The following CARD10 variants were observed in gnomAD, a reference collection of about 807,000 sequenced individuals.
CARD10 encodes the protein caspase recruitment domain-containing protein 10.
In CARD10, 49 loss-of-function variants were observed where a neutral mutation model predicts 114.6. The observed-to-expected ratio is 0.43, with a 90% CI of 0.34 to 0.54. The LOEUF (loss-of-function observed/expected upper bound fraction) is 0.54. Among genes scored for constraint, CARD10 ranks in the 20% least tolerant of loss-of-function variants. The probability of loss-of-function intolerance (pLI) is 0.03; values close to 1 mark genes in which losing one functional copy is unlikely to be tolerated. For synonymous variants in CARD10, 602 were observed against 593.2 expected, an observed-to-expected ratio of 1.01 and a Z score of -0.21; for missense variants, 1,206 against 1,397.2, an observed-to-expected ratio of 0.86 and a Z score of 2.18.
At chr22:37,518,929 G>C in intron 1 of CARD10, 37 bp downstream of exon 1, 1 of 1,490,218 alleles carries the variant, frequency 6.7e-7, no homozygotes, top group Non-Finnish European at 8.9e-7. Context: ...GGGCACGGCC[G>C]GCCCAGGTCG....
At chr22:37,504,502 T>C in intron 8 of CARD10, 133 bp downstream of exon 8, 1 of 1,380,452 alleles carries the variant, frequency 7.2e-7, no homozygotes, top group Non-Finnish European at 9.6e-7. Flanking sequence ...TGGGTGAGCT[T>C]CAGTAAAGTA....
At chr22:37,513,554 A>G (rs1466404103) in intron 3 of CARD10, among the ~76,000 whole-genome samples, 1 of 152,060 alleles carries the variant, frequency 6.6e-6, no homozygotes, top group Non-Finnish European at 1.5e-5. Flanking sequence ...CCACACACGC[A>G]GGACATCTCC....
Position 37,516,004 on chromosome 22 carries a change from G to T in CARD10, c.668C>A (p.Ala223Asp). 6.3e-7 allele frequency: 1 copy of T among 1,597,072 alleles called. No homozygotes were observed. Residue 223 changes from alanine (A) to aspartate (D), a missense_variant, in exon 3 of 20, where the codon GCT (alanine) becomes GAT (aspartate). Physicochemically the swap from Ala to Asp is moderately radical, Grantham distance 126. Transcript: ENST00000251973. ...CTGCAGGTCACGGCTGCGAAGTACA[G>T]CCGAGTTCTTCTCCTCACTGAGCTG... Reference protein sequence around the residue: ...LAQLSEEKNSAVLRSRDLQLA... With the variant: ...LAQLSEEKNSDVLRSRDLQLA...
chr22:37,505,135 G>A (rs1923360497), intron 7 of CARD10, among the ~76,000 whole-genome samples: 1 of 152,144 alleles, frequency 6.6e-6, no homozygotes, highest in Non-Finnish European at 1.5e-5. Context: ...AGGCCCTGAG[G>A]CAGGACTGTG....
At chr22:37,505,487 T>G (rs1923373025) in intron 7 of CARD10, among the ~76,000 whole-genome samples, 1 of 151,752 alleles carries the variant, frequency 6.6e-6, no homozygotes, top group Non-Finnish European at 1.5e-5. Flanking sequence ...CTGGCCAACA[T>G]GGTGAAACCC....
At chr22:37,512,844 C>A (rs1445944921) in intron 3 of CARD10, among the ~76,000 whole-genome samples, 1 of 152,154 alleles carries the variant, frequency 6.6e-6, no homozygotes, top group Non-Finnish European at 1.5e-5. Flanking sequence ...ACTCACTGAG[C>A]ACAAAATTAT....
intron 11 of CARD10, among the ~76,000 whole-genome samples, chr22:37,497,449 G>C (rs1014969805): frequency 4.6e-5 from 7 of 152,178 alleles, no homozygotes; most frequent in African/African-American, 1.7e-4. Context: ...ACTTTGCCTT[G>C]CCACGGCCCT....
Position 37,507,958 on chromosome 22 carries a change from A to G in CARD10, c.1066-4T>C, listed in dbSNP as rs773915657. 3 of 1,613,978 alleles carry G rather than the reference A, an allele frequency of 1.9e-6. No individual in the cohort carries two copies. The highest frequency in any genetic ancestry group is 2.5e-6 in the Non-Finnish European group (3 of 1,179,992). On this transcript the variant is annotated splice_region_variant and splice_polypyrimidine_tract_variant and intron_variant, in intron 5 of 19. Coordinates refer to ENST00000251973, the MANE Select transcript of CARD10 (RefSeq NM_014550.4). Reference sequence around the variant, plus strand: ...GGTCTTCCATCTCCTGCAGGTACTGAGGGTGGCACGGGGCGGGGTCAGACC... The same window carrying G: ...GGTCTTCCATCTCCTGCAGGTACTGGGGGTGGCACGGGGCGGGGTCAGACC...
At position 37,491,074 on chromosome 22, in the gene CARD10, A is replaced by C. The variant is rs1358045526; in HGVS notation, c.*85T>G. 2 of 1,084,826 alleles carry C rather than the reference A, an allele frequency of 1.8e-6. No homozygotes were observed. Among genetic ancestry groups the C allele is most frequent in the Non-Finnish European group, 2.7e-6 (2 of 742,016 alleles). 67.2% of individuals were successfully genotyped at this position (1,084,826 alleles called of 1,614,324 possible). A position where few individuals can be genotyped will look rare whatever the true frequency, so the allele number is the denominator to read the frequency against. ...CATCTGAGAGTCCAAGGGTCTAGGAAGGCTCAGGGTGGGAGGGCCCAGCTT... is the reference window on the plus strand; with the variant it reads ...CATCTGAGAGTCCAAGGGTCTAGGACGGCTCAGGGTGGGAGGGCCCAGCTT... On this transcript the variant is annotated 3_prime_UTR_variant, in exon 20 of 20. Coordinates refer to ENST00000251973, the MANE Select transcript of CARD10 (RefSeq NM_014550.4).
chr22:37,494,664 C>A (rs1922929256), intron 15 of CARD10: 2 of 174,514 alleles, frequency 1.1e-5, no homozygotes, highest in Non-Finnish European at 2.5e-5. Context: ...CTCACTAAGC[C>A]CCTGAGGGGC....
rs1922730579 is a variant in CARD10, at chr22:37,490,531, C to A, written c.*628G>T. ...CCTGTGAGGCACGGTCCTGAGTGTG[C>A]CCGCCAGGAACGCACACGTGTTAGT... On this transcript the variant is annotated 3_prime_UTR_variant, in exon 20 of 20. Coordinates refer to ENST00000251973, the MANE Select transcript of CARD10 (RefSeq NM_014550.4). 6.6e-6 allele frequency: 1 copy of A among 152,274 alleles called. No individual in the cohort carries two copies. Among genetic ancestry groups the A allele is most frequent in the Admixed American group, 6.5e-5 (1 of 15,288 alleles). The allele number at this position is 152,274 out of a possible 1,614,324, so 9.4% of individuals were successfully genotyped here.
chr22:37,490,736 C>A lies in CARD10; in HGVS notation c.*423G>T, dbSNP rs1360981874. On this transcript the variant is annotated 3_prime_UTR_variant, in exon 20 of 20. Transcript: ENST00000251973. ...GAGTCACGCGGTAACGGGCTCAGGT[C>A]TCCTAGGAGCAGAACAGGCCCAGGT... The A allele has an allele frequency of 5.9e-6, 1 of 169,214 alleles. No homozygotes were observed. Among genetic ancestry groups the A allele is most frequent in the African/African-American group, 2.4e-5 (1 of 41,988 alleles). 10.5% of individuals were successfully genotyped at this position (169,214 alleles called of 1,614,324 possible).
intron 19 of CARD10, among the ~76,000 whole-genome samples, 172 bp from the exon 20 acceptor site, chr22:37,491,565 C>CA (rs141418472): frequency 0.42 from 522 of 1,234 alleles, 99 homozygotes; most frequent in African/African-American, 0.61. Context: ...GAGGGAGAGA[C>CA]GGGGGAGGGA....
intron 14 of CARD10, 70 bp from the exon 15 acceptor site, chr22:37,495,656 C>T: frequency 1.9e-6 from 3 of 1,611,110 alleles, no homozygotes; most frequent in Admixed American, 1.7e-5. Flanking sequence ...AACCCCCCGC[C>T]CTGTCCCAGA....
intron 3 of CARD10, chr22:37,514,708 G>A (rs59032073): frequency 0.14 from 21,281 of 152,318 alleles, 1,708 homozygotes; most frequent in South Asian, 0.22. Flanking sequence ...AGGCTCCTGG[G>A]GTAGGGAGGC....
chr22:37,502,585 G>A lies in CARD10; in HGVS notation c.1787+17C>T. 6.2e-7 allele frequency: 1 copy of A among 1,611,796 alleles called. No homozygotes were observed. The highest frequency in any genetic ancestry group is 1.7e-5 in the Admixed American group (1 of 59,738). On this transcript the variant is annotated intron_variant, in intron 11 of 19. Transcript: ENST00000251973. The stretch of plus-strand genomic sequence containing the variant: ...AGCAATCACCCCAGCTCCACCCACT[G>A]CAGGCAGCTACAGTACCTGTTGAGG...
chr22:37,496,683 A>T lies in CARD10; in HGVS notation c.1948-123T>A, dbSNP rs1274296908. On this transcript the variant is annotated intron_variant, in intron 12 of 19. Transcript: ENST00000251973. The surrounding 1 kb of genome is among the most constrained non-coding windows in gnomAD (Gnocchi z 4.1). The stretch of plus-strand genomic sequence containing the variant: ...CTCACAGTTCAGATAGCGCCCCCTC[A>T]GAAACTGCCATGCCCAGCCCAGTCA... 1.3e-6 allele frequency: 1 copy of T among 751,860 alleles called. No homozygotes were observed. The highest frequency in any genetic ancestry group is 2.2e-6 in the Non-Finnish European group (1 of 446,600). 46.6% of individuals were successfully genotyped at this position (751,860 alleles called of 1,614,324 possible).
At chr22:37,513,272 G>A (rs573066628) in intron 3 of CARD10, among the ~76,000 whole-genome samples, 1 of 151,996 alleles carries the variant, frequency 6.6e-6, no homozygotes, top group African/African-American at 2.4e-5. Context: ...CACCACGCCC[G>A]GCTAATTTTT....
rs754161302 is a variant in CARD10, at chr22:37,495,797, G to A, written c.2266C>T (p.Arg756Trp). 2.1e-5 allele frequency: 34 copies of A among 1,613,952 alleles called. 1 individual carries two copies. Among genetic ancestry groups the A allele is most frequent in the South Asian group, 1.8e-4 (16 of 91,074 alleles). ...GGCACGGTGCCCCGGTCCAGGTCCC[G>A]CAGAGTGAGGGGGTCAACCCGGGTG... The part of the protein sequence containing the change: ...FCTRVDPLTL[R>W]DLDRGTVPNY... Residue 756 changes from arginine (R) to tryptophan (W), a missense_variant, in exon 14 of 20, where the codon CGG becomes TGG. Physicochemically the swap from Arg to Trp is moderately radical, Grantham distance 101 (BLOSUM62 -3). Around this residue, in one of 2 missense-constraint regions of CARD10, gnomAD observed 1,068 missense variants for 1,179.1 expected, o/e 0.91. Transcript: ENST00000251973.
Sources: allele counts gnomAD v4.1 joint callset (sites outside exome capture counted in the v4.1 genomes callset), GRCh38; gene constraint gnomAD v4.1.1; regional missense constraint gnomAD v4.1.1; non-coding constraint Gnocchi (gnomAD v3.1); transcripts MANE v1.5; gene names NCBI Gene and HGNC (gene_info 2026-07-23, HGNC 2026-07-21).